Variants in SEC62 observed in about 807,000 individuals in gnomAD.
SEC62 encodes translocation protein SEC62.
SEC62 carries 10 observed loss-of-function variants against 47.5 expected under a neutral mutation model. The ratio of observed to expected loss-of-function variants is 0.21; its 90% CI spans 0.13 to 0.36. SEC62 has a LOEUF of 0.36. Among genes scored for constraint, SEC62 ranks in the 10% least tolerant of loss-of-function variants. SEC62 has a pLI of 1.00. For missense variants in SEC62, 327 were observed against 464.1 expected, an observed-to-expected ratio of 0.70 and a Z score of 2.71; for synonymous variants, 136 against 150.5, an observed-to-expected ratio of 0.90 and a Z score of 0.71.
intron 1 of SEC62, among the ~76,000 whole-genome samples, chr3:169,971,624 C>T (rs1405682625): frequency 6.6e-6 from 1 of 152,096 alleles, no homozygotes; most frequent in Non-Finnish European, 1.5e-5. Context: ...GGACAGGGTG[C>T]AGTTTTAGAA....
intron 3 of SEC62, among the ~76,000 whole-genome samples, chr3:169,979,101 A>C (rs1714912030): frequency 6.6e-6 from 1 of 152,158 alleles, no homozygotes; most frequent in African/African-American, 2.4e-5. Flanking sequence ...GAGTACAGAG[A>C]GTGTCCAAAG....
Position 169,994,916 on chromosome 3 carries a change from G to C in SEC62, c.*1853G>C, listed in dbSNP as rs1715339267. ...AGGAAGGTCAGCTTCTTACTGATGTGTGTGGATTCTTACAGAATGTTAGTA... is the reference window on the plus strand; with the variant it reads ...AGGAAGGTCAGCTTCTTACTGATGTCTGTGGATTCTTACAGAATGTTAGTA... On this transcript the variant is annotated 3_prime_UTR_variant, in exon 8 of 8. Coordinates refer to ENST00000337002, the MANE Select transcript of SEC62 (RefSeq NM_003262.4). The C allele has an allele frequency of 6.6e-6, 1 of 152,126 alleles. No homozygotes were observed. The highest frequency in any genetic ancestry group is 1.5e-5 in the Non-Finnish European group (1 of 68,002). 9.4% of individuals were successfully genotyped at this position (152,126 alleles called of 1,614,324 possible). A position where few individuals can be genotyped will look rare whatever the true frequency, so the allele number is the denominator to read the frequency against.
At position 169,993,057 on chromosome 3, in the gene SEC62, A is replaced by G. The variant is rs758706517; in HGVS notation, c.1194A>G (p.Lys398=). ...AAACACCTAAATCTTCACATGAAAA[A>G]TCATAATCTGACTAATTTTGGGACT... ...DGETPKSSHE[K]S The change falls in exon 8 of 8, where the codon AAA becomes AAG. Residue 398 remains lysine, a synonymous_variant. Transcript: ENST00000337002. The G allele has an allele frequency of 1.6e-5, 26 of 1,590,666 alleles. No individual in the cohort carries two copies. The East Asian group carries it at 5.5e-4, about 33-fold the overall frequency.
At position 169,992,925 on chromosome 3, in the gene SEC62, G is replaced by C; in HGVS notation, c.1062G>C (p.Gln354His). ...ACAGGAGGGAAGATGATCGATCCCAGCACAGTAGTGGAAATGGAAATGATT... is the reference window on the plus strand; with the variant it reads ...ACAGGAGGGAAGATGATCGATCCCACCACAGTAGTGGAAATGGAAATGATT... ...DSDRREDDRS[Q>H]HSSGNGNDFE... is the part of the protein sequence containing the mutation. Residue 354 changes from glutamine to histidine, a missense_variant, in exon 8 of 8, where the codon CAG becomes CAC. Transcript: ENST00000337002. This position sits in a 1 kb window ranked among gnomAD's most constrained non-coding sequence, Gnocchi z 4.0. The C allele has an allele frequency of 6.2e-7, 1 of 1,613,962 alleles. No individual in the cohort carries two copies. Among genetic ancestry groups the C allele is most frequent in the Non-Finnish European group, 8.5e-7 (1 of 1,179,996 alleles).
Position 169,996,915 on chromosome 3 carries a change from C to T in SEC62, c.*3852C>T, listed in dbSNP as rs890001115. 1 of 152,176 alleles carries T rather than the reference C, an allele frequency of 6.6e-6. No individual in the cohort carries two copies. Among genetic ancestry groups the T allele is most frequent in the African/African-American group, 2.4e-5 (1 of 41,438 alleles). 9.4% of individuals were successfully genotyped at this position (152,176 alleles called of 1,614,324 possible). A position where few individuals can be genotyped will look rare whatever the true frequency, so the allele number is the denominator to read the frequency against. On this transcript the variant is annotated 3_prime_UTR_variant, in exon 8 of 8. Coordinates refer to ENST00000337002, the MANE Select transcript of SEC62 (RefSeq NM_003262.4). Reference sequence around the variant, plus strand: ...ATCTGTTTCTTATTGGAATCAAGACCAATACCAAGGAGAAATTCCTAGGGA... The same window carrying T: ...ATCTGTTTCTTATTGGAATCAAGACTAATACCAAGGAGAAATTCCTAGGGA...
Position 169,975,666 on chromosome 3 carries a change from G to A in SEC62, c.95G>A (p.Cys32Tyr), listed in dbSNP as rs1714818945. The change falls in exon 2 of 8, where the codon TGT becomes TAT. Residue 32 changes from cysteine to tyrosine, a missense_variant. Physicochemically the swap from Cys to Tyr is radical, Grantham distance 194. Transcript: ENST00000337002. ...GTGGCCAAGTATCTTCGATTCAACTGTCCAACAAAGTCCACCAATATGATG... is the reference window on the plus strand; with the variant it reads ...GTGGCCAAGTATCTTCGATTCAACTATCCAACAAAGTCCACCAATATGATG... ...KAVAKYLRFN[C>Y]PTKSTNMMGH... is the part of the protein sequence containing the mutation. 6 of 1,613,806 alleles carry A rather than the reference G, an allele frequency of 3.7e-6. No individual in the cohort carries two copies. Among genetic ancestry groups the A allele is most frequent in the Non-Finnish European group, 4.2e-6 (5 of 1,179,770 alleles).
chr3:169,967,805 ACATT>A (rs1207039571), intron 1 of SEC62, among the ~76,000 whole-genome samples: 1 of 152,158 alleles, frequency 6.6e-6, no homozygotes, highest in African/African-American at 2.4e-5. Context: ...ATAAATTGTT[ACATT>A]CATCATTGCC....
At position 169,989,744 on chromosome 3, in the gene SEC62, C is replaced by T. The variant is rs137949833; in HGVS notation, c.730+1385C>T. 4.4e-3 allele frequency among the ~76,000 whole-genome samples: 665 copies of T among 151,900 alleles called. 4 individuals carry two copies. Among genetic ancestry groups the T allele is most frequent in the African/African-American group, 0.015 (633 of 41,462 alleles). ...TAAAATATTGTTTCTTCAGTAGTCT[C>T]TTTAAATAAATTTTCATTGTAAATA... On this transcript the variant is annotated intron_variant, in intron 7 of 7. Transcript: ENST00000337002.
intron 3 of SEC62, among the ~76,000 whole-genome samples, chr3:169,982,431 T>C (rs1318516793): frequency 6.6e-6 from 1 of 152,178 alleles, no homozygotes; most frequent in East Asian, 1.9e-4. Context: ...ATATGGATAA[T>C]CTCAAACCTA....
At chr3:169,968,330 A>G (rs1714607830) in intron 1 of SEC62, 1 of 152,200 alleles carries the variant, frequency 6.6e-6, no homozygotes, top group Admixed American at 6.5e-5. Flanking sequence ...TAAGGGCTAT[A>G]TAATTCACCT....
At chr3:169,988,598 T>C (rs927446050) in intron 7 of SEC62, among the ~76,000 whole-genome samples, 1 of 152,200 alleles carries the variant, frequency 6.6e-6, no homozygotes, top group Non-Finnish European at 1.5e-5. Flanking sequence ...TATTGACAGA[T>C]CATAATTGTA....
At position 169,995,434 on chromosome 3, in the gene SEC62, C is replaced by A. The variant is rs543989267; in HGVS notation, c.*2371C>A. 19 of 152,126 alleles carry A rather than the reference C, an allele frequency of 1.2e-4. No homozygotes were observed. The highest frequency in any genetic ancestry group is 4.6e-4 in the African/African-American group (19 of 41,512). The allele number at this position is 152,126 out of a possible 1,614,324, so 9.4% of individuals were successfully genotyped here. ...TTTTTCAATTTTCAAACCATATGGCCTAGGTAACTTTAATTGAAATAATAT... is the reference window on the plus strand; with the variant it reads ...TTTTTCAATTTTCAAACCATATGGCATAGGTAACTTTAATTGAAATAATAT... On this transcript the variant is annotated 3_prime_UTR_variant, in exon 8 of 8. Coordinates refer to ENST00000337002, the MANE Select transcript of SEC62 (RefSeq NM_003262.4).
At position 169,994,741 on chromosome 3, in the gene SEC62, G is replaced by A. The variant is rs1172293369; in HGVS notation, c.*1678G>A. 1 of 151,624 alleles carries A rather than the reference G, an allele frequency of 6.6e-6. No individual in the cohort carries two copies. The highest frequency in any genetic ancestry group is 1.5e-5 in the Non-Finnish European group (1 of 67,864). 9.4% of individuals were successfully genotyped at this position (151,624 alleles called of 1,614,324 possible). ...CCAGTAACATTGATACCTATTTTGG[G>A]GTATAAACATGGTGTTTTTCAGAAA... On this transcript the variant is annotated 3_prime_UTR_variant, in exon 8 of 8. Coordinates refer to ENST00000337002, the MANE Select transcript of SEC62 (RefSeq NM_003262.4).
At chr3:169,988,578 G>A (rs980612332) in intron 7 of SEC62, among the ~76,000 whole-genome samples, 5 of 152,046 alleles carry the variant, frequency 3.3e-5, no homozygotes, top group Non-Finnish European at 7.4e-5. Context: ...TTTTTAATAA[G>A]ATTATTTTTT....
chr3:169,974,429 C>T (rs1714777496), intron 1 of SEC62, among the ~76,000 whole-genome samples: 2 of 151,612 alleles, frequency 1.3e-5, no homozygotes, highest in South Asian at 2.1e-4. Context: ...TTCTTCAGTA[C>T]GTGAGTAGGG....
At chr3:169,970,700 C>T (rs1169632748) in intron 1 of SEC62, among the ~76,000 whole-genome samples, 1 of 152,108 alleles carries the variant, frequency 6.6e-6, no homozygotes, top group Non-Finnish European at 1.5e-5. Context: ...AAAGGCAGTC[C>T]AGCCTAAATT....
intron 3 of SEC62, among the ~76,000 whole-genome samples, chr3:169,979,390 AC>A (rs567163163): frequency 6.6e-6 from 1 of 152,194 alleles, no homozygotes; most frequent in Non-Finnish European, 1.5e-5. Flanking sequence ...CTGAGGAAAA[AC>A]AAAATAGGAA....
intron 3 of SEC62, among the ~76,000 whole-genome samples, chr3:169,981,967 G>C (rs115851108): frequency 6.6e-6 from 1 of 152,250 alleles, no homozygotes; most frequent in South Asian, 2.1e-4. Context: ...TGGGGGAAGA[G>C]CATTCTAAGT....
intron 1 of SEC62, chr3:169,969,234 A>G (rs1421920544): frequency 4.5e-6 from 2 of 447,336 alleles, no homozygotes; most frequent in African/African-American, 4.0e-5. Context: ...ACAAACAAAT[A>G]AGTTCAGGGT....
Sources: allele counts gnomAD v4.1 joint callset (sites outside exome capture counted in the v4.1 genomes callset), GRCh38; gene constraint gnomAD v4.1.1; non-coding constraint Gnocchi (gnomAD v3.1); transcripts MANE v1.5; gene names NCBI Gene and HGNC (gene_info 2026-07-23, HGNC 2026-07-21).